ACAP2: variants seen among roughly 807,000 people sequenced by gnomAD.
ACAP2 encodes the protein arf-GAP with coiled-coil, ANK repeat and PH domain-containing protein 2.
A neutral mutation model predicts 115.8 loss-of-function variants in ACAP2; 39 were observed. The observed-to-expected ratio is 0.34, with a 90% CI of 0.26 to 0.44. The LOEUF (loss-of-function observed/expected upper bound fraction) is 0.44. Ranked by LOEUF, ACAP2 falls within the 20% of genes least tolerant of loss-of-function variation. The pLI is 1.00. For synonymous variants in ACAP2, 289 were observed against 315.8 expected (o/e 0.92, Z 0.90); for missense variants, 662 against 927.6 (o/e 0.71, Z 3.72).
intron 1 of ACAP2, among the ~76,000 whole-genome samples, chr3:195,407,933 A>C (rs1162517639): frequency 2.6e-5 from 4 of 152,194 alleles, no homozygotes; most frequent in Admixed American, 2.6e-4. Flanking sequence ...TTTTTTAAAA[A>C]GAAGACTCAA....
intron 4 of ACAP2, among the ~76,000 whole-genome samples, chr3:195,376,672 G>T (rs1303373872): frequency 6.6e-6 from 1 of 152,096 alleles, no homozygotes; most frequent in Non-Finnish European, 1.5e-5. Context: ...TAATCTAAAT[G>T]ATTTATTTTA....
intron 4 of ACAP2, chr3:195,349,774 C>T: frequency 3.3e-6 from 1 of 301,610 alleles, no homozygotes. Flanking sequence ...CTTCAAGAAG[C>T]ATGGCCCTCA....
chr3:195,429,083 A>T (rs1714908615), intron 1 of ACAP2, among the ~76,000 whole-genome samples: 1 of 152,206 alleles, frequency 6.6e-6, no homozygotes, highest in South Asian at 2.1e-4. Flanking sequence ...ACTACACAGC[A>T]GTAAGAATGA....
At chr3:195,442,381 G>T in intron 1 of ACAP2, 1 of 244,966 alleles carries the variant, frequency 4.1e-6, no homozygotes. Flanking sequence ...TCAAAGAGGG[G>T]GTGGGGAGGG....
chr3:195,275,057 A>T lies in ACAP2; in HGVS notation c.*4271T>A, dbSNP rs1726144624. The T allele has an allele frequency of 6.6e-6, 1 of 152,670 alleles. No individual in the cohort carries two copies. Among genetic ancestry groups the T allele is most frequent in the African/African-American group, 2.4e-5 (1 of 41,464 alleles). 9.5% of individuals were successfully genotyped at this position (152,670 alleles called of 1,614,324 possible). Reference sequence around the variant, plus strand: ...TATCACAAAGCATGAGTAAACACATATATAAAAGTAGCTCATCATTTCCAA... The same window carrying T: ...TATCACAAAGCATGAGTAAACACATTTATAAAAGTAGCTCATCATTTCCAA... On this transcript the variant is annotated 3_prime_UTR_variant, in exon 23 of 23. Coordinates refer to ENST00000326793, the MANE Select transcript of ACAP2 (RefSeq NM_012287.6).
At chr3:195,404,721 C>T (rs992022018) in intron 1 of ACAP2, among the ~76,000 whole-genome samples, 2 of 149,078 alleles carry the variant, frequency 1.3e-5, no homozygotes, top group Admixed American at 6.7e-5. Context: ...TATACACACA[C>T]GCACATATGT....
At position 195,418,525 on chromosome 3, in the gene ACAP2, A is replaced by T. The variant is rs573106582; in HGVS notation, c.53+24270T>A. 2.0e-5 allele frequency among the ~76,000 whole-genome samples: 3 copies of T among 152,324 alleles called. No individual in the cohort carries two copies. The East Asian group carries it at 5.8e-4, about 29-fold the overall frequency. Reference sequence around the variant, plus strand: ...CTGCAGCCTCAAACTCCAAGGCTCAAGTAATTCTCCAACCTCATGCTTCAG... The same window carrying T: ...CTGCAGCCTCAAACTCCAAGGCTCATGTAATTCTCCAACCTCATGCTTCAG... On this transcript the variant is annotated intron_variant, in intron 1 of 22. Coordinates refer to ENST00000326793, the MANE Select transcript of ACAP2 (RefSeq NM_012287.6).
chr3:195,406,263 T>C (rs1712760994), intron 1 of ACAP2, among the ~76,000 whole-genome samples: 2 of 152,210 alleles, frequency 1.3e-5, no homozygotes, highest in African/African-American at 4.8e-5. Flanking sequence ...CCTCACCCTC[T>C]TATTTAAATA....
intron 1 of ACAP2, among the ~76,000 whole-genome samples, chr3:195,395,381 A>T (rs1711667746): frequency 6.6e-6 from 1 of 152,232 alleles, no homozygotes; most frequent in Non-Finnish European, 1.5e-5. Context: ...AAGAGAAGAC[A>T]ATGAGCACAG....
chr3:195,316,993 G>A (rs1246276413), intron 10 of ACAP2, among the ~76,000 whole-genome samples: 2 of 141,702 alleles, frequency 1.4e-5, no homozygotes, highest in Admixed American at 7.7e-5. Flanking sequence ...TGCCTCCTGG[G>A]TTCAAGCAAT....
chr3:195,305,463 A>C (rs149565143), intron 13 of ACAP2, among the ~76,000 whole-genome samples: 1,973 of 152,308 alleles, frequency 0.013, 35 homozygotes, highest in African/African-American at 0.043. Flanking sequence ...AGACCTTTTC[A>C]GATATGCATG....
intron 13 of ACAP2, among the ~76,000 whole-genome samples, chr3:195,304,456 A>G (rs78933605): frequency 2.0e-5 from 3 of 152,132 alleles, no homozygotes; most frequent in Non-Finnish European, 4.4e-5. Flanking sequence ...CCAATTCACG[A>G]AAGTATTAAT....
intron 1 of ACAP2, among the ~76,000 whole-genome samples, chr3:195,417,002 A>G (rs1713785157): frequency 1.3e-5 from 2 of 151,268 alleles, no homozygotes; most frequent in African/African-American, 2.4e-5. Flanking sequence ...TGCAGCCTCA[A>G]CTCCTGTGCT....
chr3:195,441,986 G>C, intron 1 of ACAP2: 1 of 152,388 alleles, frequency 6.6e-6, no homozygotes, highest in Non-Finnish European at 1.5e-5. Flanking sequence ...CTCCTGGGCA[G>C]AGGCTGCTGG....
At chr3:195,316,199 TTTTG>T (rs1370716932) in intron 10 of ACAP2, among the ~76,000 whole-genome samples, 1 of 151,878 alleles carries the variant, frequency 6.6e-6, no homozygotes, top group Non-Finnish European at 1.5e-5. Context: ...GCTGGGTTTT[TTTTG>T]TTTTTTTTTT....
chr3:195,342,480 A>G lies in ACAP2; in HGVS notation c.519T>C (p.Tyr173=). ...RKCFRHIALD[Y]VLQINVLQSK... ...GTAAGAAACTATATACCTGAAGCAC[A>G]TAATCGAGGGCTATGTGTCGGAAAC... Residue 173 remains tyrosine (Y), a synonymous_variant, in exon 6 of 23, where the codon TAT becomes TAC. Coordinates refer to ENST00000326793, the MANE Select transcript of ACAP2 (RefSeq NM_012287.6). The G allele has an allele frequency of 6.2e-7, 1 of 1,601,098 alleles. No homozygotes were observed. Among genetic ancestry groups the G allele is most frequent in the Non-Finnish European group, 8.5e-7 (1 of 1,176,834 alleles).
chr3:195,367,052 C>CAAA (rs35590029), intron 4 of ACAP2, among the ~76,000 whole-genome samples: 1,090 of 76,126 alleles, frequency 0.014, 20 homozygotes, highest in African/African-American at 0.023. Flanking sequence ...CCAACCCCGC[C>CAAA]AAAAAAAAAA....
chr3:195,381,866 T>A, intron 3 of ACAP2, 37 bp downstream of exon 3: 1 of 1,566,184 alleles, frequency 6.4e-7, no homozygotes, highest in Admixed American at 2.1e-5. Context: ...TATTGCTTTT[T>A]TTTTTCATTT....
At chr3:195,432,130 T>C (rs1715175638) in intron 1 of ACAP2, among the ~76,000 whole-genome samples, 1 of 152,228 alleles carries the variant, frequency 6.6e-6, no homozygotes, top group Non-Finnish European at 1.5e-5. Context: ...AAATATTTTC[T>C]CTCATTTTGT....
Sources: allele counts gnomAD v4.1 joint callset (sites outside exome capture counted in the v4.1 genomes callset), GRCh38; gene constraint gnomAD v4.1.1; transcripts MANE v1.5; gene names NCBI Gene and HGNC (gene_info 2026-07-23, HGNC 2026-07-21).